Variants in GUCA1A observed in about 807,000 individuals in gnomAD.
GUCA1A encodes the protein guanylate cyclase activator 1A.
In GUCA1A, 14 loss-of-function variants were observed where a neutral mutation model predicts 18.5. The observed-to-expected ratio is 0.76, with a 90% CI of 0.50 to 1.18. GUCA1A has a LOEUF of 1.18. Among genes scored for constraint, GUCA1A ranks in the 50% most tolerant of loss-of-function variants. The pLI, the probability that GUCA1A is intolerant of heterozygous loss-of-function variation, is 0.00. For missense variants in GUCA1A, 264 were observed against 262.4 expected, an observed-to-expected ratio of 1.01 and a Z score of -0.04; for synonymous variants, 97 against 100.2, an observed-to-expected ratio of 0.97 and a Z score of 0.19.
intron 1 of GUCA1A, among the ~76,000 whole-genome samples, chr6:42,177,719 G>A (rs926615135): frequency 6.6e-6 from 1 of 152,182 alleles, no homozygotes; most frequent in Non-Finnish European, 1.5e-5. Context: ...GGGCCTCTCT[G>A]GGCTCTGTGC....
intron 1 of GUCA1A, among the ~76,000 whole-genome samples, chr6:42,177,864 C>G (rs1767998508): frequency 6.6e-6 from 1 of 152,210 alleles, no homozygotes; most frequent in Admixed American, 6.5e-5. Flanking sequence ...AAACCACGCT[C>G]CCATCCCTGG....
chr6:42,175,403 C>T (rs1262968706), intron 1 of GUCA1A, among the ~76,000 whole-genome samples: 1 of 141,630 alleles, frequency 7.1e-6, no homozygotes, highest in Non-Finnish European at 1.5e-5. Flanking sequence ...CTCTGTCGCC[C>T]AGACTGGAGT....
At chr6:42,178,608 TCA>T (rs763655209) in intron 2 of GUCA1A, 179 bp downstream of exon 2, 5 of 809,140 alleles carry the variant, frequency 6.2e-6, no homozygotes, top group Admixed American at 1.8e-5. Flanking sequence ...TTCCTTGGCC[TCA>T]GTTTCCTCAT....
chr6:42,173,928 CA>C, intron 1 of GUCA1A, 114 bp downstream of exon 1: 1 of 766,806 alleles, frequency 1.3e-6, no homozygotes, highest in Non-Finnish European at 2.3e-6. Flanking sequence ...CGCTGGGGAG[CA>C]ACTTCATTTA....
intron 1 of GUCA1A, among the ~76,000 whole-genome samples, chr6:42,175,838 C>T (rs755531327): frequency 3.3e-5 from 5 of 152,156 alleles, no homozygotes; most frequent in Admixed American, 2.0e-4. Flanking sequence ...CCCTCTCTGC[C>T]CCCAGAATTC....
In GUCA1A at chr6:42,178,443, G is replaced by C. The variant is rs1768019742; in HGVS notation, c.351+14G>C. On this transcript the variant is annotated intron_variant, in intron 2 of 3. Transcript: ENST00000372958. ...ACCATCATCCAGGTGCAGAGGGCCC[G>C]GCCAGGGCTGGGGGCAGCGGTCTGG... 6 of 1,611,406 alleles carry C rather than the reference G, an allele frequency of 3.7e-6. No individual in the cohort carries two copies. The highest frequency in any genetic ancestry group is 5.1e-6 in the Non-Finnish European group (6 of 1,178,184).
rs143796843 is a variant in GUCA1A at position 42,174,230 on chromosome 6, G to T, written c.201+416G>T. Among the ~76,000 whole-genome samples, 581 of 152,298 alleles carry T rather than the reference G, an allele frequency of 3.8e-3. 7 individuals are homozygous for T. The highest frequency in any genetic ancestry group is 0.013 in the African/African-American group (541 of 41,562). ...GTCATTGAACACCTGCGATGTGCTG[G>T]TCCTATACGTGGTGCTTTTGCAAAC... On this transcript the variant is annotated intron_variant, in intron 1 of 3. Coordinates refer to ENST00000372958, the MANE Select transcript of GUCA1A (RefSeq NM_001384910.1).
intron 1 of GUCA1A, among the ~76,000 whole-genome samples, chr6:42,177,043 A>G (rs1562058592): frequency 1.3e-5 from 2 of 152,142 alleles, no homozygotes; most frequent in Admixed American, 1.3e-4. Context: ...AGGGCTGGGG[A>G]GTACAGAGTG....
chr6:42,177,648 C>A (rs1346791155), intron 1 of GUCA1A, among the ~76,000 whole-genome samples: 1 of 152,164 alleles, frequency 6.6e-6, no homozygotes, highest in Non-Finnish European at 1.5e-5. Context: ...CACCTGGTGT[C>A]CCCTCCCCCA....
At chr6:42,173,881 G>T (rs1364945494) in intron 1 of GUCA1A, 67 bp downstream of exon 1, 5 of 1,199,638 alleles carry the variant, frequency 4.2e-6, no homozygotes, top group East Asian at 2.3e-5. Context: ...CTGACCAGCT[G>T]GGGGTGAGGA....
intron 1 of GUCA1A, among the ~76,000 whole-genome samples, chr6:42,175,975 T>C (rs6941278): frequency 0.13 from 20,315 of 152,114 alleles, 4,494 homozygotes; most frequent in African/African-American, 0.46. Context: ...CATTTCCTAG[T>C]CCCACCTTTC....
intron 1 of GUCA1A, among the ~76,000 whole-genome samples, chr6:42,175,566 T>C (rs1767936939): frequency 6.6e-6 from 1 of 152,016 alleles, no homozygotes; most frequent in African/African-American, 2.4e-5. Flanking sequence ...GGTTTCACTA[T>C]GTTGGCCAGG....
intron 1 of GUCA1A, among the ~76,000 whole-genome samples, chr6:42,177,562 CT>C (rs1767987799): frequency 6.6e-6 from 1 of 151,966 alleles, no homozygotes; most frequent in Admixed American, 6.6e-5. Context: ...AAAAAAAAAC[CT>C]GCAAAAGCAA....
At chr6:42,178,929 G>A in intron 3 of GUCA1A, 34 bp downstream of exon 3, 2 of 1,479,296 alleles carry the variant, frequency 1.4e-6, no homozygotes, top group South Asian at 1.1e-5. Context: ...CCCAGCGGAG[G>A]GGTCACCATG....
In GUCA1A at chr6:42,179,328, C is replaced by T; in HGVS notation, c.531C>T (p.Thr177=). The change falls in exon 4 of 4, where the codon ACC becomes ACT. Residue 177 remains threonine, a synonymous_variant. Transcript: ENST00000372958. The part of the protein sequence containing the change: ...LDTLTRSLDL[T]RIVRRLQNGE... ...CACTGACACGAAGCCTGGACCTTAC[C>T]CGCATCGTGCGCAGGCTCCAGAATG... 1 of 1,613,788 alleles carries T rather than the reference C, an allele frequency of 6.2e-7. No individual in the cohort carries two copies. Among genetic ancestry groups the T allele is most frequent in the Non-Finnish European group, 8.5e-7 (1 of 1,179,748 alleles).
Position 42,179,255 on chromosome 6 carries a change from TG to T in GUCA1A, c.460del (p.Glu154LysfsTer4), listed in dbSNP as rs1768050066. 3.1e-6 allele frequency: 5 copies of T among 1,613,314 alleles called. No homozygotes were observed. In the Middle Eastern group the frequency reaches 5.0e-4, roughly 160 times the overall value. On this transcript the variant is annotated frameshift_variant, in exon 4 of 4. Coordinates refer to ENST00000372958, the MANE Select transcript of GUCA1A (RefSeq NM_001384910.1). LOFTEE classifies it high-confidence loss of function. ...CTCTCTACCCCAGGGGAACTCTCCC[TG>T]GAAGAGTTTATAGAGGGCGTCCAGA... is the stretch of plus-strand genomic sequence containing the variant. ...IDVNGDGELSLEEFIEGVQKD... is the reference protein window; with the variant it reads ...IDVNGDGELSXEEFIEGVQKD...
At position 42,173,823 on chromosome 6, in the gene GUCA1A, G is replaced by T; in HGVS notation, c.201+9G>T. 1 of 1,606,316 alleles carries T rather than the reference G, an allele frequency of 6.2e-7. No homozygotes were observed. The highest frequency in any genetic ancestry group is 8.5e-7 in the Non-Finnish European group (1 of 1,172,970). ...CTTTTGACTTCAACAAGGTGAGCAGGGGCCCAGTGGCAGGGAGGGGAAGTG... is the reference window on the plus strand; with the variant it reads ...CTTTTGACTTCAACAAGGTGAGCAGTGGCCCAGTGGCAGGGAGGGGAAGTG... On this transcript the variant is annotated intron_variant, in intron 1 of 3. Transcript: ENST00000372958.
At chr6:42,178,450 G>C in intron 2 of GUCA1A, 21 bp downstream of exon 2, 1 of 1,609,332 alleles carries the variant, frequency 6.2e-7, no homozygotes, top group Non-Finnish European at 8.5e-7. Context: ...CCCGGCCAGG[G>C]CTGGGGGCAG....
At chr6:42,176,035 C>T (rs1767951321) in intron 1 of GUCA1A, among the ~76,000 whole-genome samples, 2 of 152,154 alleles carry the variant, frequency 1.3e-5, no homozygotes, top group Non-Finnish European at 2.9e-5. Flanking sequence ...AACATTTCAC[C>T]ATTACGTTTA....
Sources: gnomAD v4.1 joint callset for allele counts (sites outside exome capture counted in the v4.1 genomes callset) on GRCh38, gnomAD v4.1.1 for gene constraint, MANE v1.5 for transcripts, NCBI Gene and HGNC (gene_info 2026-07-23, HGNC 2026-07-21) for gene names.